The following TSHZ2 variants were observed in gnomAD, a reference collection of about 807,000 sequenced individuals.
TSHZ2 encodes teashirt zinc finger homeobox 2, also known as teashirt homolog 2.
Under a neutral mutation model 74.4 loss-of-function variants are expected in TSHZ2, and 21 were observed. That is an observed-to-expected ratio of 0.28 (90% CI 0.20 to 0.41). The LOEUF (loss-of-function observed/expected upper bound fraction) is 0.41, where lower values mean the gene tolerates loss of function less well. TSHZ2 is among the 10% of genes least tolerant of loss of function. The probability of loss-of-function intolerance (pLI) is 1.00; values close to 1 mark genes in which losing one functional copy is unlikely to be tolerated. For synonymous variants in TSHZ2, 540 were observed against 515.3 expected (o/e 1.05, Z -0.65); for missense variants, 1,244 against 1,293.5 (o/e 0.96, Z 0.59).
intron 1 of TSHZ2, among the ~76,000 whole-genome samples, chr20:53,003,036 A>G (rs547623588): frequency 1.3e-5 from 2 of 152,310 alleles, no homozygotes; most frequent in South Asian, 4.1e-4. Flanking sequence ...CGTTGTAGAC[A>G]TAATAAGAGA....
intron 1 of TSHZ2, among the ~76,000 whole-genome samples, chr20:53,214,083 G>A (rs1401563325): frequency 6.6e-6 from 1 of 152,152 alleles, no homozygotes; most frequent in Non-Finnish European, 1.5e-5. Flanking sequence ...ATAAAGTACA[G>A]TGTAAAGTGA....
intron 1 of TSHZ2, among the ~76,000 whole-genome samples, chr20:53,079,171 A>G (rs1206613339): frequency 2.6e-5 from 4 of 152,202 alleles, no homozygotes; most frequent in African/African-American, 9.6e-5. Flanking sequence ...AGAGGGAAAA[A>G]GTGGTTAGCT....
At chr20:53,357,411 T>C (rs1291508370) in intron 2 of TSHZ2, among the ~76,000 whole-genome samples, 1 of 152,156 alleles carries the variant, frequency 6.6e-6, no homozygotes. Flanking sequence ...ACGCCTGTAA[T>C]TCTAACACTT....
rs1985709476 is a variant in TSHZ2, at chr20:53,469,640, GGAAGGAAGGAAGGAAGGAAGGAAGGA to G, written c.*9-17503_*9-17478del. On this transcript the variant is annotated intron_variant, in intron 2 of 2. Transcript: ENST00000371497. ...AGAGAGGGAGGAAGGGAGGGAGGAA[GGAAGGAAGGAAGGAAGGAAGGAAGGA>G]AGGAAGGAAGGAAGGAAGGACGGAC... Among the ~76,000 whole-genome samples the G allele has an allele frequency of 3.2e-5, 2 of 62,218 alleles. 1 individual carries two copies. The highest frequency in any genetic ancestry group is 6.7e-5 in the Non-Finnish European group (2 of 29,980). 40.8% of individuals were successfully genotyped at this position (62,218 alleles called of 152,430 possible).
intron 2 of TSHZ2, among the ~76,000 whole-genome samples, chr20:53,375,039 GA>G (rs1180641208): frequency 6.6e-6 from 1 of 151,746 alleles, no homozygotes; most frequent in Non-Finnish European, 1.5e-5. Flanking sequence ...ATTTCATTGA[GA>G]ATTACATATA....
Position 53,121,833 on chromosome 20 carries a change from G to T in TSHZ2, c.41-131666G>T, listed in dbSNP as rs114774788. Among the ~76,000 whole-genome samples the T allele has an allele frequency of 9.4e-3, 1,435 of 152,112 alleles. 18 individuals carry two copies. Among genetic ancestry groups the T allele is most frequent in the African/African-American group, 0.033 (1,379 of 41,488 alleles). On this transcript the variant is annotated intron_variant, in intron 1 of 2. Transcript: ENST00000371497. ...TCGAGGTCATTAAACAAGAGTAGTG[G>T]AGTAAGTCCTGAGTTTTATTGTCCC...
intron 1 of TSHZ2, among the ~76,000 whole-genome samples, chr20:53,014,208 AG>A (rs1982953407): frequency 6.6e-6 from 1 of 151,936 alleles, no homozygotes; most frequent in African/African-American, 2.4e-5. Context: ...AGAGAGAGAG[AG>A]AGAGAGAGAG....
At chr20:53,180,094 T>C (rs1988434322) in intron 1 of TSHZ2, among the ~76,000 whole-genome samples, 1 of 152,218 alleles carries the variant, frequency 6.6e-6, no homozygotes, top group African/African-American at 2.4e-5. Context: ...TCATGTGGCA[T>C]TGAGTACTTT....
chr20:53,038,192 C>CA lies in TSHZ2; in HGVS notation c.40+64900dup, dbSNP rs869242676. 3.9e-4 allele frequency among the ~76,000 whole-genome samples: 21 copies of CA among 53,942 alleles called. 3 individuals are homozygous for CA. The highest frequency in any genetic ancestry group is 6.3e-4 in the Admixed American group (2 of 3,170). 35.4% of individuals were successfully genotyped at this position (53,942 alleles called of 152,430 possible). The stretch of plus-strand genomic sequence containing the variant: ...GGGCGACAAGAGCGGGATTCCGTCT[C>CA]AAAAAAAAAAAAAAAAAAAAAAAAA... On this transcript the variant is annotated intron_variant, in intron 1 of 2. Coordinates refer to ENST00000371497, the MANE Select transcript of TSHZ2 (RefSeq NM_173485.6).
chr20:53,185,808 T>C, intron 1 of TSHZ2: 2 of 1,166,218 alleles, frequency 1.7e-6, no homozygotes, highest in Non-Finnish European at 2.4e-6. Context: ...CTTGCTTGTA[T>C]CAGTAATTTA....
rs1024380185 is a variant in TSHZ2 at position 53,255,714 on chromosome 20, G to A, written c.2256G>A (p.Val752=). The change falls in exon 2 of 3, where the codon GTG becomes GTA. Residue 752 remains valine (V), a synonymous_variant. Transcript: ENST00000371497. This position sits in a 1 kb window ranked among gnomAD's most constrained non-coding sequence, Gnocchi z 4.1. ...LSPASTRSAS[V]SRRYLFENSD... ...CTGCCTCCACAAGGTCAGCCAGCGT[G>A]TCCAGGCGCTACCTGTTTGAGAACA... 9.3e-6 allele frequency: 15 copies of A among 1,608,750 alleles called. No homozygotes were observed. Among genetic ancestry groups the A allele is most frequent in the African/African-American group, 1.3e-5 (1 of 74,752 alleles).
intron 1 of TSHZ2, among the ~76,000 whole-genome samples, chr20:53,068,618 T>C (rs1985072355): frequency 6.6e-6 from 1 of 152,180 alleles, no homozygotes; most frequent in Admixed American, 6.5e-5. Flanking sequence ...ATTTAAGTCA[T>C]AACAATCACA....
intron 1 of TSHZ2, among the ~76,000 whole-genome samples, chr20:52,999,033 TG>T (rs1697058839): frequency 6.6e-6 from 1 of 152,028 alleles, no homozygotes; most frequent in Non-Finnish European, 1.5e-5. Flanking sequence ...ATGAATAAAC[TG>T]AAACTTACAG....
chr20:53,250,724 G>T lies in TSHZ2; in HGVS notation c.41-2775G>T, dbSNP rs2426477. On this transcript the variant is annotated intron_variant, in intron 1 of 2. Coordinates refer to ENST00000371497, the MANE Select transcript of TSHZ2 (RefSeq NM_173485.6). ...AAGCAGAAAATTTTATCTGTATTGT[G>T]GGGGAGGCGTTTGCTGTCTCTGACT... is the stretch of plus-strand genomic sequence containing the variant. Among the ~76,000 whole-genome samples the T allele has an allele frequency of 4.6e-5, 7 of 151,850 alleles. No homozygotes were observed. In the East Asian group the frequency reaches 5.8e-4, roughly 13 times the overall value.
chr20:53,205,485 G>A (rs967422944), intron 1 of TSHZ2, among the ~76,000 whole-genome samples: 1 of 152,184 alleles, frequency 6.6e-6, no homozygotes, highest in Non-Finnish European at 1.5e-5. Context: ...ATGCACAAAG[G>A]AAGTTCCAAA....
intron 1 of TSHZ2, among the ~76,000 whole-genome samples, chr20:53,060,660 T>G (rs1984789832): frequency 6.6e-6 from 1 of 152,200 alleles, no homozygotes; most frequent in Admixed American, 6.5e-5. Context: ...AACTCAAAAT[T>G]ATACTTACGT....
chr20:53,015,180 C>G (rs1328216833), intron 1 of TSHZ2, among the ~76,000 whole-genome samples: 2 of 152,152 alleles, frequency 1.3e-5, no homozygotes, highest in African/African-American at 4.8e-5. Flanking sequence ...TCTGAGAAGC[C>G]CTCTGTGATC....
intron 1 of TSHZ2, among the ~76,000 whole-genome samples, chr20:53,164,081 G>GT (rs1289561296): frequency 6.6e-5 from 10 of 151,100 alleles, no homozygotes; most frequent in South Asian, 4.2e-4. Flanking sequence ...ACTTTGTTCT[G>GT]TTTTTTGTAC....
At chr20:53,303,298 G>T (rs779102759) in intron 2 of TSHZ2, among the ~76,000 whole-genome samples, 4 of 152,138 alleles carry the variant, frequency 2.6e-5, no homozygotes, top group Non-Finnish European at 5.9e-5. Context: ...CGTCTATCTT[G>T]TTGAGACTTA....
Sources: allele counts gnomAD v4.1 joint callset (sites outside exome capture counted in the v4.1 genomes callset), GRCh38; gene constraint gnomAD v4.1.1; non-coding constraint Gnocchi (gnomAD v3.1); transcripts MANE v1.5; gene names NCBI Gene and HGNC (gene_info 2026-07-23, HGNC 2026-07-21).